Variants in TAFA2 observed in about 807,000 individuals in gnomAD.
The protein encoded by TAFA2 is TAFA chemokine like family member 2.
In TAFA2, 7 loss-of-function variants were observed where a neutral mutation model predicts 18.8. That is an observed-to-expected ratio of 0.37 (90% CI 0.21 to 0.70). The LOEUF (loss-of-function observed/expected upper bound fraction) is 0.70, where lower values mean the gene tolerates loss of function less well. Ranked by LOEUF, TAFA2 falls within the 30% of genes least tolerant of loss-of-function variation. The pLI is 0.53. For missense variants in TAFA2, 122 were observed against 158.1 expected (o/e 0.77, Z 1.23); for synonymous variants, 60 against 54.2 (o/e 1.11, Z -0.47).
Position 62,191,820 on chromosome 12 carries a change from T to TCA in TAFA2, c.-565_-564dup, listed in dbSNP as rs923412932. 93 of 152,280 alleles carry TCA rather than the reference T, an allele frequency of 6.1e-4. No homozygotes were observed. Among genetic ancestry groups the TCA allele is most frequent in the Non-Finnish European group, 5.7e-4 (39 of 68,268 alleles). The allele number at this position is 152,280 out of a possible 1,614,324, so 9.4% of individuals were successfully genotyped here. ...TCTCGCCTCACGTCGTCTCTCCCTC[T>TCA]CACACACACACACACTCACACATCC... On this transcript the variant is annotated 5_prime_UTR_variant, in exon 1 of 5. It removes the in-frame stop codon of an upstream open reading frame in the 5' UTR. Transcript: ENST00000416284.
chr12:61,757,958 G>T (rs1007366616), intron 2 of TAFA2, among the ~76,000 whole-genome samples: 1 of 151,948 alleles, frequency 6.6e-6, no homozygotes, highest in Non-Finnish European at 1.5e-5. Context: ...TATTATGCAT[G>T]GGCAGCTGAG....
rs181809377 is a variant in TAFA2 at position 61,838,737 on chromosome 12, G to A, written c.106+28583C>T. Among the ~76,000 whole-genome samples the A allele has an allele frequency of 2.5e-3, 388 of 152,198 alleles. 3 individuals are homozygous for A. Among genetic ancestry groups the A allele is most frequent in the Middle Eastern group, 0.01 (3 of 294 alleles). On this transcript the variant is annotated intron_variant, in intron 2 of 4. Transcript: ENST00000416284. ...CGACAAATATTTTTGAGCACCTATTGTATGCCAGGTCTTGCAGAAGTAGAG... is the reference window on the plus strand; with the variant it reads ...CGACAAATATTTTTGAGCACCTATTATATGCCAGGTCTTGCAGAAGTAGAG...
At chr12:61,926,381 G>C (rs1877294004) in intron 1 of TAFA2, among the ~76,000 whole-genome samples, 1 of 152,148 alleles carries the variant, frequency 6.6e-6, no homozygotes, top group African/African-American at 2.4e-5. Flanking sequence ...ACCTGGCAGA[G>C]ACACAACAAA....
chr12:62,130,241 T>C (rs1392004896), intron 1 of TAFA2, among the ~76,000 whole-genome samples: 2 of 151,956 alleles, frequency 1.3e-5, no homozygotes, highest in African/African-American at 4.8e-5. Flanking sequence ...GCATTTTCCT[T>C]TACTCTCCGT....
chr12:62,001,232 A>G (rs139414951), intron 1 of TAFA2, among the ~76,000 whole-genome samples: 29 of 152,252 alleles, frequency 1.9e-4, no homozygotes, highest in African/African-American at 6.7e-4. Context: ...AACACAATAT[A>G]TAGCAGCAGT....
chr12:61,998,467 TC>T (rs1463424847), intron 1 of TAFA2, among the ~76,000 whole-genome samples: 2 of 152,172 alleles, frequency 1.3e-5, no homozygotes, highest in African/African-American at 4.8e-5. Flanking sequence ...TAAGTATCTT[TC>T]CCCTCTTTAA....
At chr12:61,860,063 C>A (rs1874064726) in intron 2 of TAFA2, among the ~76,000 whole-genome samples, 1 of 152,164 alleles carries the variant, frequency 6.6e-6, no homozygotes, top group African/African-American at 2.4e-5. Context: ...TCTCTCACAA[C>A]TAGTCTTTGT....
intron 4 of TAFA2, among the ~76,000 whole-genome samples, chr12:61,733,859 T>G (rs1868260619): frequency 6.6e-6 from 1 of 151,028 alleles, no homozygotes; most frequent in Non-Finnish European, 1.5e-5. Context: ...TAAATTACCT[T>G]GGGCAGTATG....
intron 2 of TAFA2, among the ~76,000 whole-genome samples, chr12:61,833,986 A>T (rs1202100480): frequency 6.6e-6 from 1 of 152,030 alleles, no homozygotes; most frequent in Non-Finnish European, 1.5e-5. Flanking sequence ...GTTCAAGCCA[A>T]GGTTGGTCTC....
rs1358358578 is a variant in TAFA2 at position 62,192,631 on chromosome 12, C to T, written c.-1374G>A. On this transcript the variant is annotated 5_prime_UTR_variant, in exon 1 of 5. Transcript: ENST00000416284. ...GTGAGTACAGAGTGACTTGGCTCCC[C>T]CGTATAGTGCAGCGAGAATGCAGGA... The T allele has an allele frequency of 1.3e-5, 2 of 152,314 alleles. No individual in the cohort carries two copies. The highest frequency in any genetic ancestry group is 6.5e-5 in the Admixed American group (1 of 15,284). 9.4% of individuals were successfully genotyped at this position (152,314 alleles called of 1,614,324 possible). A position where few individuals can be genotyped will look rare whatever the true frequency, so the allele number is the denominator to read the frequency against.
At chr12:62,149,865 A>C (rs1245698396) in intron 1 of TAFA2, among the ~76,000 whole-genome samples, 6 of 152,114 alleles carry the variant, frequency 3.9e-5, no homozygotes, top group African/African-American at 7.2e-5. Flanking sequence ...AATATGACAA[A>C]CATTTCTGCC....
chr12:61,728,996 T>A lies in TAFA2; in HGVS notation c.385-18579A>T, dbSNP rs571911174. On this transcript the variant is annotated intron_variant, in intron 4 of 4. Transcript: ENST00000416284. Reference sequence around the variant, plus strand: ...AAATGCTTTATCTTTCCTTCATTTATGAAGCTTAGTTTCACTGAATACAAA... The same window carrying A: ...AAATGCTTTATCTTTCCTTCATTTAAGAAGCTTAGTTTCACTGAATACAAA... Among the ~76,000 whole-genome samples, 132 of 151,922 alleles carry A rather than the reference T, an allele frequency of 8.7e-4. 5 individuals are homozygous for A. In the South Asian group the frequency reaches 0.027, roughly 32 times the overall value.
intron 2 of TAFA2, among the ~76,000 whole-genome samples, chr12:61,836,926 G>A (rs1004735982): frequency 1.5e-4 from 23 of 150,808 alleles, no homozygotes; most frequent in Non-Finnish European, 3.1e-4. Flanking sequence ...ACATATGAAG[G>A]CTATTATTTT....
At position 61,856,833 on chromosome 12, in the gene TAFA2, C is replaced by A. The variant is rs548775946; in HGVS notation, c.106+10487G>T. On this transcript the variant is annotated intron_variant, in intron 2 of 4. Transcript: ENST00000416284. ...CAGTTATATATGTGAATGTTTATTA[C>A]AGCATTATTTTTACTAAAAATGAAA... Among the ~76,000 whole-genome samples, 245 of 151,756 alleles carry A rather than the reference C, an allele frequency of 1.6e-3. 1 individual carries two copies. The highest frequency in any genetic ancestry group is 5.1e-3 in the African/African-American group (210 of 41,516).
intron 1 of TAFA2, among the ~76,000 whole-genome samples, chr12:62,221,930 A>C (rs1194479094): frequency 6.6e-6 from 1 of 152,218 alleles, no homozygotes; most frequent in Non-Finnish European, 1.5e-5. Flanking sequence ...ACACGCAACT[A>C]CAAAGTGCTA....
chr12:61,838,885 T>A (rs944591071), intron 2 of TAFA2, among the ~76,000 whole-genome samples: 2 of 152,048 alleles, frequency 1.3e-5, no homozygotes, highest in Non-Finnish European at 2.9e-5. Flanking sequence ...AGGTGGCTGC[T>A]GGCATCTAAT....
At chr12:61,872,552 T>G (rs1874658793) in intron 1 of TAFA2, among the ~76,000 whole-genome samples, 1 of 152,040 alleles carries the variant, frequency 6.6e-6, no homozygotes, top group African/African-American at 2.4e-5. Flanking sequence ...AATCCCGGAA[T>G]TTACCTATTC....
intron 1 of TAFA2, among the ~76,000 whole-genome samples, chr12:61,921,311 G>A (rs1592487605): frequency 6.6e-6 from 1 of 152,180 alleles, no homozygotes; most frequent in Non-Finnish European, 1.5e-5. Context: ...GCTGGCTTAG[G>A]CCAGAGTGGT....
intron 1 of TAFA2, among the ~76,000 whole-genome samples, chr12:62,064,071 T>A (rs1021574346): frequency 2.0e-4 from 30 of 152,228 alleles, no homozygotes; most frequent in African/African-American, 6.5e-4. Context: ...TGTGTCATGA[T>A]CATTTTAGAG....
Sources: gnomAD v4.1 joint callset for allele counts (sites outside exome capture counted in the v4.1 genomes callset) on GRCh38, gnomAD v4.1.1 for gene constraint, MANE v1.5 for transcripts, NCBI Gene and HGNC (gene_info 2026-07-23, HGNC 2026-07-21) for gene names.